Variants in ZNF467 observed in about 807,000 individuals in gnomAD.
ZNF467 encodes the protein zinc finger protein EZI.
A neutral mutation model predicts 47.8 loss-of-function variants in ZNF467; 51 were observed. The ratio of observed to expected loss-of-function variants is 1.07; its 90% CI spans 0.85 to 1.35. The LOEUF is 1.35. Among genes scored for constraint, ZNF467 ranks in the 40% most tolerant of loss-of-function variants. The probability of loss-of-function intolerance (pLI) is 0.00; values close to 1 mark genes in which losing one functional copy is unlikely to be tolerated. For synonymous variants in ZNF467, 416 were observed against 372.9 expected, an observed-to-expected ratio of 1.12 and a Z score of -1.33; for missense variants, 992 against 858.1, an observed-to-expected ratio of 1.16 and a Z score of -1.95.
chr7:149,765,126 A>C lies in ZNF467; in HGVS notation c.1376T>G (p.Phe459Cys). Residue 459 changes from phenylalanine (F) to cysteine (C), a missense_variant, in exon 5 of 5, where the codon TTC becomes TGC. By Grantham distance (205) the Phe-to-Cys change is radical (BLOSUM62 -2). Coordinates refer to ENST00000302017, the MANE Select transcript of ZNF467 (RefSeq NM_207336.3). ...GCGGCGGTCACACTGCGTGCAGGCG[A>C]AGGGCCGTTCGCCCGTGTGCACGCG... ...HPRVHTGERP[F>C]ACTQCDRRFG... The C allele has an allele frequency of 6.8e-7, 1 of 1,480,146 alleles. No individual in the cohort carries two copies. The highest frequency in any genetic ancestry group is 1.3e-5 in the South Asian group (1 of 79,262). 91.7% of individuals were successfully genotyped at this position (1,480,146 alleles called of 1,614,324 possible).
At chr7:149,770,344 G>C in intron 3 of ZNF467, 96 bp downstream of exon 3, 2 of 674,880 alleles carry the variant, frequency 3.0e-6, no homozygotes, top group Non-Finnish European at 4.9e-6. Flanking sequence ...GGAAGGGAGG[G>C]AGGGAGGGGG....
At chr7:149,766,279 T>C in intron 4 of ZNF467, 40 bp from the exon 5 acceptor site, 1 of 1,510,468 alleles carries the variant, frequency 6.6e-7, no homozygotes, top group Non-Finnish European at 8.9e-7. Flanking sequence ...GAGCTCCACG[T>C]GCGGCAACGT....
At position 149,773,295 on chromosome 7, in the gene ZNF467, G is replaced by A. The variant is rs911585315; in HGVS notation, c.-230C>T. On this transcript the variant is annotated 5_prime_UTR_variant, in exon 1 of 5. Transcript: ENST00000302017. ...ATAGACGCGCGGGGAGTCGAAGCCG[G>A]GAAACGGCGCCTGCAAGGGAGGAGG... 1 of 151,470 alleles carries A rather than the reference G, an allele frequency of 6.6e-6. No homozygotes were observed. Among genetic ancestry groups the A allele is most frequent in the Non-Finnish European group, 1.5e-5 (1 of 67,912 alleles). The allele number at this position is 151,470 out of a possible 1,614,324, so 9.4% of individuals were successfully genotyped here.
chr7:149,776,092 G>GT, upstream of ZNF467: 1 of 1,364,362 alleles, frequency 7.3e-7, no homozygotes. Context: ...TGGCTGACGG[G>GT]TAAGCAGCCC....
Position 149,764,853 on chromosome 7 carries a change from T to C in ZNF467, c.1649A>G (p.Lys550Arg), listed in dbSNP as rs1799107734. The change falls in exon 5 of 5, where the codon AAG becomes AGG. Residue 550 changes from lysine (K) to arginine (R), a missense_variant. Lys to Arg is a conservative substitution (Grantham distance 26). Transcript: ENST00000302017. ...SRPFSCPQCGKSFSRKTHLVR... is the reference protein window; with the variant it reads ...SRPFSCPQCGRSFSRKTHLVR... ...CAGGTGGGTCTTGCGGCTGAAGCTC[T>C]TTCCGCACTGCGGGCAGGAGAAGGG... 1 of 1,551,708 alleles carries C rather than the reference T, an allele frequency of 6.4e-7. No homozygotes were observed. Among genetic ancestry groups the C allele is most frequent in the African/African-American group, 1.4e-5 (1 of 72,624 alleles).
chr7:149,776,207 C>A, upstream of ZNF467: 3 of 1,084,800 alleles, frequency 2.8e-6, no homozygotes, highest in Non-Finnish European at 3.7e-6. Flanking sequence ...CCTCCACCCC[C>A]GCCACTTCCC....
chr7:149,775,007 G>A (rs1484016871), upstream of ZNF467, among the ~76,000 whole-genome samples: 2 of 152,178 alleles, frequency 1.3e-5, no homozygotes, highest in East Asian at 1.9e-4. Context: ...CCGGGTGTCC[G>A]GGTGTGCTCA....
rs1799439040 is a variant in ZNF467 at position 149,772,138 on chromosome 7, T to TCCCCTCCCTCCTCTCCTCC, written c.-43+951_-43+969dup. 3.2e-5 allele frequency among the ~76,000 whole-genome samples: 3 copies of TCCCCTCCCTCCTCTCCTCC among 92,752 alleles called. No individual in the cohort carries two copies. The South Asian group carries it at 1.4e-3, about 44-fold the overall frequency. 60.8% of individuals were successfully genotyped at this position (92,752 alleles called of 152,430 possible). On this transcript the variant is annotated intron_variant, in intron 1 of 4. Coordinates refer to ENST00000302017, the MANE Select transcript of ZNF467 (RefSeq NM_207336.3). ...TCTTTTCCCCAACCCAGTTCTCCTC[T>TCCCCTCCCTCCTCTCCTCC]CCCCTCCCTCCTCTCCTCCCCCACC...
At position 149,769,587 on chromosome 7, in the gene ZNF467, A is replaced by G. The variant is rs896664179; in HGVS notation, c.152-387T>C. Among the ~76,000 whole-genome samples, 7 of 152,212 alleles carry G rather than the reference A, an allele frequency of 4.6e-5. No individual in the cohort carries two copies. Among genetic ancestry groups the G allele is most frequent in the Admixed American group, 2.6e-4 (4 of 15,288 alleles). On this transcript the variant is annotated intron_variant, in intron 3 of 4. Coordinates refer to ENST00000302017, the MANE Select transcript of ZNF467 (RefSeq NM_207336.3). This position sits in a 1 kb window ranked among gnomAD's most constrained non-coding sequence, Gnocchi z 5.3. The stretch of plus-strand genomic sequence containing the variant: ...TCCAAGCAAATCACTGGGGAGAATC[A>G]GGATGTCAAAAGCCAGGCACATTCC...
Position 149,765,328 on chromosome 7 carries a change from C to A in ZNF467, c.1174G>T (p.Gly392Cys), listed in dbSNP as rs761268794. The A allele has an allele frequency of 3.3e-6, 5 of 1,495,368 alleles. No homozygotes were observed. Among genetic ancestry groups the A allele is most frequent in the Middle Eastern group, 2.2e-4 (1 of 4,538 alleles). The allele number at this position is 1,495,368 out of a possible 1,614,324, so 92.6% of individuals were successfully genotyped here. ...GCGGCGGGGGCATCCACGGTGGCGC[C>A]CAGTGCGCACTCATCGCACCCAAAG... Reference protein sequence around the residue: ...RPFGCDECALGATVDAPAAKP... With the variant: ...RPFGCDECALCATVDAPAAKP... Residue 392 changes from glycine to cysteine, a missense_variant, in exon 5 of 5, where the codon GGC becomes TGC. By Grantham distance (159) the Gly-to-Cys change is radical. Transcript: ENST00000302017.
In ZNF467 at chr7:149,764,648, C is replaced by A. The variant is rs764732782; in HGVS notation, c.*66G>T. The A allele has an allele frequency of 1.2e-5, 19 of 1,555,754 alleles. No homozygotes were observed. On this transcript the variant is annotated 3_prime_UTR_variant, in exon 5 of 5. Transcript: ENST00000302017. ...GCAGCCCAGGTCGCCTTGCTCACCC[C>A]AGGCGGTCTCATGGCACGGGCCTCT...
chr7:149,764,841 C>G lies in ZNF467; in HGVS notation c.1661G>C (p.Arg554Pro), dbSNP rs756635234. The change falls in exon 5 of 5, where the codon CGC becomes CCC. Residue 554 changes from arginine to proline, a missense_variant. Arg to Pro is a moderately radical substitution (Grantham distance 103). Transcript: ENST00000302017. ...SCPQCGKSFS[R>P]KTHLVRHQLI... ...CTGGTGCCGCACCAGGTGGGTCTTG[C>G]GGCTGAAGCTCTTTCCGCACTGCGG... The G allele has an allele frequency of 6.5e-7, 1 of 1,546,690 alleles. No individual in the cohort carries two copies. Among genetic ancestry groups the G allele is most frequent in the Non-Finnish European group, 8.7e-7 (1 of 1,147,108 alleles).
Position 149,773,566 on chromosome 7 carries a change from G to C in ZNF467, c.-501C>G. The C allele has an allele frequency of 6.8e-6, 1 of 147,754 alleles. No homozygotes were observed. Among genetic ancestry groups the C allele is most frequent in the East Asian group, 2.1e-4 (1 of 4,848 alleles). 9.2% of individuals were successfully genotyped at this position (147,754 alleles called of 1,614,324 possible). On this transcript the variant is annotated 5_prime_UTR_variant, in exon 1 of 5. Transcript: ENST00000302017. ...AGGAGGCTGGGGAGGACAGGCACTCGGGCTGCGGGGAAGGGTGCCAAGGGA... is the reference window on the plus strand; with the variant it reads ...AGGAGGCTGGGGAGGACAGGCACTCCGGCTGCGGGGAAGGGTGCCAAGGGA...
chr7:149,767,942 C>G (rs1202416753), intron 4 of ZNF467, among the ~76,000 whole-genome samples: 6 of 152,330 alleles, frequency 3.9e-5, no homozygotes, highest in Admixed American at 3.3e-4. Flanking sequence ...CAGGCATGGA[C>G]CTTCCACTTC....
Position 149,765,375 on chromosome 7 carries a change from A to G in ZNF467, c.1127T>C (p.Leu376Pro), listed in dbSNP as rs754945066. ...AAAGGGGCGACCCTCGCTGCGGTGC[A>G]GACACTGGTGCGTGGCGAGGTTCTT... ...WKKNLATHQC[L>P]HRSEGRPFGC... Residue 376 changes from leucine to proline, a missense_variant, in exon 5 of 5, where the codon CTG becomes CCG. Transcript: ENST00000302017. The G allele has an allele frequency of 6.4e-7, 1 of 1,562,564 alleles. No homozygotes were observed. The highest frequency in any genetic ancestry group is 1.9e-5 in the Admixed American group (1 of 52,686).
At position 149,765,820 on chromosome 7, in the gene ZNF467, T is replaced by C; in HGVS notation, c.682A>G (p.Lys228Glu). 1 of 1,610,528 alleles carries C rather than the reference T, an allele frequency of 6.2e-7. No individual in the cohort carries two copies. The highest frequency in any genetic ancestry group is 8.5e-7 in the Non-Finnish European group (1 of 1,178,678). The change falls in exon 5 of 5, where the codon AAG (lysine) becomes GAG (glutamate). Residue 228 changes from lysine (K) to glutamate (E), a missense_variant. By Grantham distance (56) the Lys-to-Glu change is moderately conservative. Transcript: ENST00000302017. ...CGCAGGTGGCGGGTCAGATGGGCCT[T>C]CTTGCTGAAGCGCTTGTCGCACTCG... is the stretch of plus-strand genomic sequence containing the variant. ...CSECDKRFSK[K>E]AHLTRHLRTH...
At position 149,765,651 on chromosome 7, in the gene ZNF467, T is replaced by G; in HGVS notation, c.851A>C (p.Lys284Thr). Residue 284 changes from lysine to threonine, a missense_variant, in exon 5 of 5, where the codon AAG becomes ACG. Lys to Thr is a moderately conservative substitution (Grantham distance 78, BLOSUM62 -1). Coordinates refer to ENST00000302017, the MANE Select transcript of ZNF467 (RefSeq NM_207336.3). ...GCGCTGGTGCCGAATCAAGTGCGTCTTCTTGCGAAAGCGCTTCTCGCATTC... is the reference window on the plus strand; with the variant it reads ...GCGCTGGTGCCGAATCAAGTGCGTCGTCTTGCGAAAGCGCTTCTCGCATTC... Reference protein sequence around the residue: ...CTECEKRFRKKTHLIRHQRIH... With the variant: ...CTECEKRFRKTTHLIRHQRIH... 6.2e-7 allele frequency: 1 copy of G among 1,611,518 alleles called. No individual in the cohort carries two copies. Among genetic ancestry groups the G allele is most frequent in the Non-Finnish European group, 8.5e-7 (1 of 1,179,096 alleles).
intron 2 of ZNF467, 146 bp downstream of exon 2, chr7:149,770,853 C>A (rs1318940828): frequency 1.5e-5 from 14 of 952,054 alleles, no homozygotes; most frequent in Non-Finnish European, 2.3e-5. Flanking sequence ...ATTCAGACAC[C>A]CCGTGCTACA....
chr7:149,764,312 C>A lies in ZNF467; in HGVS notation c.*402G>T. On this transcript the variant is annotated 3_prime_UTR_variant, in exon 5 of 5. Coordinates refer to ENST00000302017, the MANE Select transcript of ZNF467 (RefSeq NM_207336.3). Reference sequence around the variant, plus strand: ...TGTGTGGATGGAGGTGGGACAGTGGCTAAGGAGAGTCAGGTGTTCCCTCCC... The same window carrying A: ...TGTGTGGATGGAGGTGGGACAGTGGATAAGGAGAGTCAGGTGTTCCCTCCC... The A allele has an allele frequency of 4.5e-6, 2 of 447,166 alleles. No homozygotes were observed. Among genetic ancestry groups the A allele is most frequent in the Non-Finnish European group, 7.9e-6 (2 of 254,694 alleles). The allele number at this position is 447,166 out of a possible 1,614,324, so 27.7% of individuals were successfully genotyped here. A position where few individuals can be genotyped will look rare whatever the true frequency, so the allele number is the denominator to read the frequency against.
Sources: allele counts gnomAD v4.1 joint callset (sites outside exome capture counted in the v4.1 genomes callset), GRCh38; gene constraint gnomAD v4.1.1; non-coding constraint Gnocchi (gnomAD v3.1); transcripts MANE v1.5; gene names NCBI Gene and HGNC (gene_info 2026-07-23, HGNC 2026-07-21).